Variants in EPG5 observed in about 807,000 individuals in gnomAD.
The protein encoded by EPG5 is ectopic P-granules 5 autophagy tethering factor.
Under a neutral mutation model 302.7 loss-of-function variants are expected in EPG5, and 159 were observed. That is an observed-to-expected ratio of 0.53 (90% confidence interval 0.46 to 0.60). The LOEUF is 0.60. Ranked by LOEUF, EPG5 falls within the 20% of genes least tolerant of loss-of-function variation. The pLI is 0.00. For missense variants in EPG5, 2,896 were observed against 3,092.4 expected, an observed-to-expected ratio of 0.94 and a Z score of 1.51; for synonymous variants, 1,158 against 1,136.8, an observed-to-expected ratio of 1.02 and a Z score of -0.37.
At chr18:45,963,003 T>A (rs893203949) in intron 1 of EPG5, among the ~76,000 whole-genome samples, 2 of 152,186 alleles carry the variant, frequency 1.3e-5, no homozygotes, top group Admixed American at 6.5e-5. Flanking sequence ...AGTAAATTCC[T>A]CTGAGTGACA....
intron 43 of EPG5, 89 bp downstream of exon 43, chr18:45,855,484 C>T: frequency 1.2e-6 from 1 of 847,250 alleles, no homozygotes; most frequent in Non-Finnish European, 1.9e-6. Context: ...AGCATCATGT[C>T]ATGACGCGCA....
intron 4 of EPG5, among the ~76,000 whole-genome samples, chr18:45,949,979 C>T (rs1424037962): frequency 1.3e-5 from 2 of 152,114 alleles, no homozygotes; most frequent in Non-Finnish European, 2.9e-5. Flanking sequence ...AAAGAGCAAC[C>T]AAGGCAGCCC....
chr18:45,829,551 AGT>A, the EPG5 span, among the ~76,000 whole-genome samples: 1 of 152,098 alleles, frequency 6.6e-6, no homozygotes, highest in Non-Finnish European at 1.5e-5. Context: ...AGCCAATGGG[AGT>A]GTCTCTCCTT....
At chr18:45,882,638 G>T (rs777126389) in intron 30 of EPG5, 151 bp from the exon 31 acceptor site, 4 of 550,042 alleles carry the variant, frequency 7.3e-6, no homozygotes, top group Non-Finnish European at 1.3e-5. Flanking sequence ...GTACATAAAA[G>T]ATTCAACCTG....
At chr18:45,960,896 T>C (rs1243205318) in intron 1 of EPG5, among the ~76,000 whole-genome samples, 1 of 152,222 alleles carries the variant, frequency 6.6e-6, no homozygotes, top group Non-Finnish European at 1.5e-5. Flanking sequence ...TGTAAAGATG[T>C]AGAATAGGCT....
chr18:45,952,294 T>G (rs1272489168), intron 3 of EPG5, 106 bp downstream of exon 3: 1 of 1,364,852 alleles, frequency 7.3e-7, no homozygotes, highest in Non-Finnish European at 1.0e-6. Flanking sequence ...CAAGCACAAA[T>G]GGTACCTTGT....
At chr18:45,817,499 G>A in the EPG5 span, among the ~76,000 whole-genome samples, 3 of 152,330 alleles carry the variant, frequency 2.0e-5, no homozygotes, top group South Asian at 4.1e-4. Context: ...TTAGCTGAGT[G>A]GCTGGGCCCA....
At chr18:45,824,255 G>A in the EPG5 span, among the ~76,000 whole-genome samples, 7 of 152,206 alleles carry the variant, frequency 4.6e-5, no homozygotes, top group Non-Finnish European at 1.0e-4. Context: ...CGCCCAGGCT[G>A]GAGGGCAGTG....
Position 45,879,028 on chromosome 18 carries a change from C to T in EPG5, c.5854G>A (p.Ala1952Thr), listed in dbSNP as rs111806310. ...EMTCLAQDPT[A>T]SRKTVLKSLH... ...AGTATATTACCTGTTTTCCTGCTGG[C>T]AGTTGGGTCTTGGGCCAAACAGGTC... Residue 1952 changes from alanine (A) to threonine (T), a missense_variant, in exon 33 of 44, where the codon GCC becomes ACC. By Grantham distance (58) the Ala-to-Thr change is moderately conservative (BLOSUM62 0). Coordinates refer to ENST00000282041, the MANE Select transcript of EPG5 (RefSeq NM_020964.3). 1.7e-5 allele frequency: 27 copies of T among 1,614,120 alleles called. 2 individuals carry two copies. The highest frequency in any genetic ancestry group is 1.6e-4 in the African/African-American group (12 of 75,052).
intron 24 of EPG5, among the ~76,000 whole-genome samples, chr18:45,905,231 A>G (rs925816651): frequency 6.6e-6 from 1 of 152,228 alleles, no homozygotes; most frequent in Non-Finnish European, 1.5e-5. Context: ...ATTATCAATG[A>G]ACTTTAAATA....
chr18:45,817,921 C>T, the EPG5 span, among the ~76,000 whole-genome samples: 1 of 152,206 alleles, frequency 6.6e-6, no homozygotes. Context: ...TGTACAAAAA[C>T]TTAAACTATC....
At chr18:45,846,348 C>A (rs549453462), downstream of EPG5, among the ~76,000 whole-genome samples, 35 of 151,976 alleles carry the variant, frequency 2.3e-4, no homozygotes, top group Non-Finnish European at 4.3e-4. Context: ...AGGCGAAACC[C>A]CGCCTCTACT....
At chr18:45,867,425 T>C in intron 37 of EPG5, 138 bp downstream of exon 37, 1 of 713,562 alleles carries the variant, frequency 1.4e-6, no homozygotes, top group East Asian at 2.5e-5. Flanking sequence ...GGCATCTGGT[T>C]AAAGGTACAT....
intron 1 of EPG5, among the ~76,000 whole-genome samples, chr18:45,957,852 C>T (rs2051064600): frequency 6.6e-6 from 1 of 152,192 alleles, no homozygotes. Context: ...CAGCAACCAT[C>T]AACTAGAACT....
intron 22 of EPG5, among the ~76,000 whole-genome samples, chr18:45,911,110 C>CATAT (rs71373730): frequency 0.015 from 1,927 of 127,906 alleles, 32 homozygotes; most frequent in East Asian, 0.088. Context: ...CACACACACA[C>CATAT]ATATATATAT....
Position 45,916,191 on chromosome 18 carries a change from T to C in EPG5, c.3400A>G (p.Ser1134Gly). 4 of 1,612,854 alleles carry C rather than the reference T, an allele frequency of 2.5e-6. No homozygotes were observed. The highest frequency in any genetic ancestry group is 3.4e-6 in the Non-Finnish European group (4 of 1,179,568). ...NSMIQAHISV[S>G]TQPNEVGPVA... ...GGGCCCACTTCATTGGGCTGAGTGC[T>C]TACAGATATGTGTGCCTGTGGAGAA... The change falls in exon 19 of 44, where the codon AGC (serine) becomes GGC (glycine). Residue 1134 changes from serine (S) to glycine (G), a missense_variant. Coordinates refer to ENST00000282041, the MANE Select transcript of EPG5 (RefSeq NM_020964.3).
the EPG5 span, among the ~76,000 whole-genome samples, chr18:45,823,873 C>T: frequency 6.6e-6 from 1 of 152,210 alleles, no homozygotes; most frequent in African/African-American, 2.4e-5. Context: ...CTCTCCAGCA[C>T]CTATGGGATG....
chr18:45,806,026 A>T, the EPG5 span, among the ~76,000 whole-genome samples: 1 of 152,234 alleles, frequency 6.6e-6, no homozygotes. Flanking sequence ...ATAAAATGGA[A>T]ATAAACTCAC....
At chr18:45,937,422 T>A (rs1328264594) in intron 10 of EPG5, among the ~76,000 whole-genome samples, 1 of 151,434 alleles carries the variant, frequency 6.6e-6, no homozygotes, top group Non-Finnish European at 1.5e-5. Flanking sequence ...ATATATATAT[T>A]TTGAGACAGA....
Sources: allele counts gnomAD v4.1 joint callset (sites outside exome capture counted in the v4.1 genomes callset), GRCh38; gene constraint gnomAD v4.1.1; transcripts MANE v1.5; gene names NCBI Gene and HGNC (gene_info 2026-07-23, HGNC 2026-07-21).